GPHN: variants seen among roughly 807,000 people sequenced by gnomAD.
GPHN encodes the protein gephyrin.
A neutral mutation model predicts 95.5 loss-of-function variants in GPHN; 17 were observed. The ratio of observed to expected loss-of-function variants is 0.18; its 90% confidence interval spans 0.12 to 0.27. The LOEUF (loss-of-function observed/expected upper bound fraction) is 0.27, where lower values mean the gene tolerates loss of function less well. GPHN is among the 10% of genes least tolerant of loss of function. GPHN has a pLI of 1.00. For synonymous variants in GPHN, 320 were observed against 322.5 expected (o/e 0.99, Z 0.08); for missense variants, 660 against 978.1 (o/e 0.67, Z 4.34).
chr14:67,682,447 G>T, the GPHN span, among the ~76,000 whole-genome samples: 2 of 152,070 alleles, frequency 1.3e-5, no homozygotes, highest in Admixed American at 1.3e-4. Context: ...ATGGGCAAAG[G>T]ACTTGATAGA....
the GPHN span, among the ~76,000 whole-genome samples, chr14:67,697,447 G>A: frequency 3.8e-4 from 58 of 152,344 alleles, 1 homozygote; most frequent in African/African-American, 1.1e-3. Flanking sequence ...ACAGAAAACC[G>A]TCTAGGGAGA....
the GPHN span, among the ~76,000 whole-genome samples, chr14:67,700,048 G>A: frequency 1.3e-5 from 2 of 152,086 alleles, no homozygotes; most frequent in Non-Finnish European, 2.9e-5. Context: ...ATGGAGGCAG[G>A]AGAATCGCTT....
chr14:67,663,094 T>C, the GPHN span: 1 of 1,506,656 alleles, frequency 6.6e-7, no homozygotes, highest in Non-Finnish European at 8.8e-7. Context: ...CGGCAATGAC[T>C]TGAACGATGA....
At chr14:67,397,721 G>C in the GPHN span, 1 of 1,613,528 alleles carries the variant, frequency 6.2e-7, no homozygotes, top group Non-Finnish European at 8.5e-7. Flanking sequence ...AGGAGGATCC[G>C]GCCCTTGGGA....
chr14:67,585,932 G>A, the GPHN span: 1 of 1,604,804 alleles, frequency 6.2e-7, no homozygotes, highest in Non-Finnish European at 8.5e-7. Context: ...CCCCACAACT[G>A]ACTGGTTCCT....
chr14:66,879,732 A>T (rs1408790785), intron 4 of GPHN, among the ~76,000 whole-genome samples: 1 of 151,978 alleles, frequency 6.6e-6, no homozygotes, highest in Non-Finnish European at 1.5e-5. Flanking sequence ...TAATATAAAA[A>T]TTTTCTTTAT....
At chr14:67,703,149 A>G in the GPHN span, among the ~76,000 whole-genome samples, 1 of 152,136 alleles carries the variant, frequency 6.6e-6, no homozygotes, top group Non-Finnish European at 1.5e-5. Context: ...AATTTTAGTC[A>G]TGAGATAGTA....
rs2140195100 is a variant in GPHN at position 67,179,567 on chromosome 14, T to C, written c.2080-11T>C. 6.6e-7 allele frequency: 1 copy of C among 1,510,430 alleles called. No individual in the cohort carries two copies. Among genetic ancestry groups the C allele is most frequent in the East Asian group, 2.3e-5 (1 of 44,356 alleles). 93.6% of individuals were successfully genotyped at this position (1,510,430 alleles called of 1,614,324 possible). ...GACCAAGTTTGTTTTCTTTTCTACT[T>C]TATTCTGTAGTTATCATGTGATGTA... is the stretch of plus-strand genomic sequence containing the variant. On this transcript the variant is annotated splice_polypyrimidine_tract_variant and intron_variant, in intron 21 of 22. Transcript: ENST00000478722.
At chr14:67,162,044 G>GT (rs2153720269) in intron 19 of GPHN, among the ~76,000 whole-genome samples, 1 of 152,158 alleles carries the variant, frequency 6.6e-6, no homozygotes, top group East Asian at 1.9e-4. Context: ...TGAATAATAG[G>GT]TTTTGAGTTC....
chr14:67,107,279 C>T (rs917545846), intron 13 of GPHN, among the ~76,000 whole-genome samples: 4 of 152,080 alleles, frequency 2.6e-5, no homozygotes, highest in Admixed American at 6.5e-5. Flanking sequence ...GCTACAGTGG[C>T]ACTGGGCTCA....
chr14:67,178,527 C>T (rs1051740093), intron 21 of GPHN, among the ~76,000 whole-genome samples: 11 of 152,092 alleles, frequency 7.2e-5, no homozygotes, highest in Admixed American at 1.3e-4. Context: ...GTGAATCTGA[C>T]GATTATGTGC....
the GPHN span, chr14:67,302,196 A>G: frequency 7.0e-7 from 1 of 1,418,510 alleles, no homozygotes; most frequent in Non-Finnish European, 9.4e-7. Flanking sequence ...TTAATTTCAG[A>G]ATTCTAATGA....
the GPHN span, among the ~76,000 whole-genome samples, chr14:67,371,720 C>T: frequency 6.6e-6 from 1 of 152,178 alleles, no homozygotes; most frequent in Non-Finnish European, 1.5e-5. Flanking sequence ...CTTAACAGCA[C>T]TGCTGCTATA....
At chr14:67,200,299 G>T in the GPHN span, 1 of 680,818 alleles carries the variant, frequency 1.5e-6, no homozygotes, top group South Asian at 1.7e-5. Flanking sequence ...GCCCCTCGAG[G>T]CCCGCTTTGG....
the GPHN span, among the ~76,000 whole-genome samples, chr14:67,430,155 G>A: frequency 1.3e-5 from 2 of 152,180 alleles, no homozygotes; most frequent in African/African-American, 4.8e-5. Flanking sequence ...GGGACATGGA[G>A]ACAGGCCACA....
intron 1 of GPHN, among the ~76,000 whole-genome samples, chr14:66,551,887 T>G (rs1214383483): frequency 1.3e-5 from 2 of 152,060 alleles, no homozygotes; most frequent in Admixed American, 1.3e-4. Context: ...TTCAATCACC[T>G]CCCACCAGGC....
chr14:66,719,528 G>A (rs1047251309), intron 2 of GPHN, among the ~76,000 whole-genome samples: 2 of 152,234 alleles, frequency 1.3e-5, no homozygotes, highest in South Asian at 2.1e-4. Flanking sequence ...TTTCTTCAGA[G>A]GGTCTGTGGG....
At chr14:67,415,074 C>G in the GPHN span, among the ~76,000 whole-genome samples, 2 of 152,196 alleles carry the variant, frequency 1.3e-5, no homozygotes, top group Admixed American at 1.3e-4. Context: ...GTCTGCAGAA[C>G]TGGAAAAGAC....
the GPHN span, among the ~76,000 whole-genome samples, chr14:67,621,359 G>T: frequency 6.6e-6 from 1 of 151,972 alleles, no homozygotes; most frequent in Non-Finnish European, 1.5e-5. Flanking sequence ...CCTCTCTAGG[G>T]TTAATATCTT....
Sources: gnomAD v4.1 joint callset for allele counts (sites outside exome capture counted in the v4.1 genomes callset) on GRCh38, gnomAD v4.1.1 for gene constraint, MANE v1.5 for transcripts, NCBI Gene and HGNC (gene_info 2026-07-23, HGNC 2026-07-21) for gene names.